FAM222B: variants seen among roughly 807,000 people sequenced by gnomAD.
The protein encoded by FAM222B is family with sequence similarity 222 member B, also known as protein FAM222B.
Under a neutral mutation model 38.0 loss-of-function variants are expected in FAM222B, and 12 were observed. The ratio of observed to expected loss-of-function variants is 0.32; its 90% CI spans 0.20 to 0.51. FAM222B has a LOEUF of 0.51. Ranked by LOEUF, FAM222B falls within the 20% of genes least tolerant of loss-of-function variation. The pLI, the probability that FAM222B is intolerant of heterozygous loss-of-function variation, is 0.97. For missense variants in FAM222B, 716 were observed against 754.2 expected (o/e 0.95, Z 0.59); for synonymous variants, 329 against 317.2 (o/e 1.04, Z -0.40).
At chr17:28,770,078 G>A (rs2151797880) in intron 1 of FAM222B, among the ~76,000 whole-genome samples, 1 of 152,082 alleles carries the variant, frequency 6.6e-6, no homozygotes, top group Middle Eastern at 3.4e-3. Flanking sequence ...GGCCCTTCCT[G>A]TTGTTAACTC....
intron 1 of FAM222B, among the ~76,000 whole-genome samples, chr17:28,817,490 G>A (rs183900268): frequency 1.3e-5 from 2 of 152,064 alleles, no homozygotes; most frequent in Admixed American, 6.5e-5. Flanking sequence ...TTGGGAGGCC[G>A]AGGCTGGACT....
At chr17:28,831,105 C>T (rs2038654624) in intron 1 of FAM222B, among the ~76,000 whole-genome samples, 2 of 151,214 alleles carry the variant, frequency 1.3e-5, no homozygotes, top group South Asian at 4.2e-4. Context: ...AGTGATTCTC[C>T]TGCCTCAGCC....
intron 1 of FAM222B, among the ~76,000 whole-genome samples, chr17:28,785,302 G>GT (rs1401709902): frequency 6.6e-6 from 1 of 152,102 alleles, no homozygotes; most frequent in Non-Finnish European, 1.5e-5. Context: ...CAAAATAATA[G>GT]TAAGCATACT....
intron 1 of FAM222B, among the ~76,000 whole-genome samples, chr17:28,841,032 C>T (rs900111808): frequency 6.6e-6 from 1 of 152,132 alleles, no homozygotes; most frequent in Non-Finnish European, 1.5e-5. Context: ...CGGTGGCTCA[C>T]GCCTGTAATC....
chr17:28,777,286 A>G (rs944068151), intron 1 of FAM222B: 1 of 152,210 alleles, frequency 6.6e-6, no homozygotes, highest in African/African-American at 2.4e-5. Context: ...ACCTGCTTCT[A>G]AACTATACCC....
chr17:28,854,906 G>T (rs2039216447), intron 1 of FAM222B: 3 of 999,490 alleles, frequency 3.0e-6, no homozygotes, highest in Non-Finnish European at 4.3e-6. Flanking sequence ...TCCTCCTCCC[G>T]CCCACATCCC....
Position 28,758,926 on chromosome 17 carries a change from G to T in FAM222B, c.1033C>A (p.Leu345Met), listed in dbSNP as rs898139397. The T allele has an allele frequency of 7.5e-6, 12 of 1,609,698 alleles. No homozygotes were observed. The highest frequency in any genetic ancestry group is 1.3e-5 in the African/African-American group (1 of 74,876). Residue 345 changes from leucine to methionine, a missense_variant, in exon 3 of 3, where the codon CTG (leucine) becomes ATG (methionine). By Grantham distance (15) the Leu-to-Met change is conservative. Transcript: ENST00000581407. ...GGGACGCGAGAGATGCCTGTGGGCA[G>T]GTTGACAGGACCTGCAGCAGGCAAC... is the stretch of plus-strand genomic sequence containing the variant. Reference protein sequence around the residue: ...AALPAAGPVNLPTGISRVPTG... With the variant: ...AALPAAGPVNMPTGISRVPTG...
At chr17:28,797,897 CAA>C (rs34116817) in intron 1 of FAM222B, among the ~76,000 whole-genome samples, 2 of 148,192 alleles carry the variant, frequency 1.3e-5, no homozygotes, top group Non-Finnish European at 3.0e-5. Flanking sequence ...CCCATCTCTA[CAA>C]AAAAAAAATT....
Position 28,758,095 on chromosome 17 carries a change from G to A in FAM222B, c.*175C>T. 1.8e-6 allele frequency: 1 copy of A among 564,390 alleles called. No homozygotes were observed. The highest frequency in any genetic ancestry group is 3.0e-6 in the Non-Finnish European group (1 of 334,210). 35.0% of individuals were successfully genotyped at this position (564,390 alleles called of 1,614,324 possible). Reference sequence around the variant, plus strand: ...AACATAAAACCAAAAGTTGCTGGAGGGGAGGACGAGAGGACCCCTTCTGTC... The same window carrying A: ...AACATAAAACCAAAAGTTGCTGGAGAGGAGGACGAGAGGACCCCTTCTGTC... On this transcript the variant is annotated 3_prime_UTR_variant, in exon 3 of 3. Coordinates refer to ENST00000581407, the MANE Select transcript of FAM222B (RefSeq NM_001077498.3).
intron 1 of FAM222B, among the ~76,000 whole-genome samples, chr17:28,828,492 C>T (rs1406733031): frequency 6.6e-6 from 1 of 151,510 alleles, no homozygotes; most frequent in Non-Finnish European, 1.5e-5. Context: ...ATCGCTTGAG[C>T]CCAAAGGCAT....
At position 28,756,924 on chromosome 17, in the gene FAM222B, T is replaced by C. The variant is rs1377464055; in HGVS notation, c.*1346A>G. 2 of 152,422 alleles carry C rather than the reference T, an allele frequency of 1.3e-5. No homozygotes were observed. Among genetic ancestry groups the C allele is most frequent in the Non-Finnish European group, 2.9e-5 (2 of 68,038 alleles). The allele number at this position is 152,422 out of a possible 1,614,324, so 9.4% of individuals were successfully genotyped here. ...AGAGACAAGAGGAAAGGTAAGGGCT[T>C]ATTTCATCTGTAAAAAATAAAAAAG... On this transcript the variant is annotated 3_prime_UTR_variant, in exon 3 of 3. Coordinates refer to ENST00000581407, the MANE Select transcript of FAM222B (RefSeq NM_001077498.3).
chr17:28,846,030 C>A (rs530124627), upstream of FAM222B, among the ~76,000 whole-genome samples: 15 of 151,066 alleles, frequency 9.9e-5, no homozygotes, highest in Non-Finnish European at 1.8e-4. Flanking sequence ...GGTGAAACCC[C>A]GTCTCTACTA....
At chr17:28,769,174 CTTTTTTTTTTT>C (rs35918064) in intron 1 of FAM222B, among the ~76,000 whole-genome samples, 9 of 82,572 alleles carry the variant, frequency 1.1e-4, no homozygotes, top group South Asian at 5.1e-4. Flanking sequence ...AATGTTAGTT[CTTTTTTTTTTT>C]TTTTTTTTTT....
At chr17:28,764,996 T>C (rs1314807123) in intron 2 of FAM222B, among the ~76,000 whole-genome samples, 1 of 152,156 alleles carries the variant, frequency 6.6e-6, no homozygotes, top group South Asian at 2.1e-4. Context: ...GGATGCTGAT[T>C]TGGATGACCA....
chr17:28,778,717 ATATTTTTTTT>A (rs1368412045), intron 1 of FAM222B, among the ~76,000 whole-genome samples: 6 of 58,400 alleles, frequency 1.0e-4, no homozygotes, highest in Admixed American at 2.4e-4. Context: ...ATATATATAT[ATATTTTTTTT>A]TTTTTTTTTT....
At chr17:28,801,160 G>GA (rs1223540473) in intron 1 of FAM222B, among the ~76,000 whole-genome samples, 40 of 80,342 alleles carry the variant, frequency 5.0e-4, no homozygotes, top group Non-Finnish European at 5.7e-4. Context: ...CCGTCTCAAA[G>GA]AAAAAAAAAA....
At chr17:28,772,843 C>T (rs1360815810) in intron 1 of FAM222B, among the ~76,000 whole-genome samples, 2 of 152,002 alleles carry the variant, frequency 1.3e-5, no homozygotes, top group African/African-American at 2.4e-5. Flanking sequence ...TGCAGTGAGC[C>T]GAGATCGCGC....
intron 1 of FAM222B, among the ~76,000 whole-genome samples, chr17:28,808,746 C>T (rs530996365): frequency 2.6e-5 from 4 of 152,182 alleles, no homozygotes; most frequent in Non-Finnish European, 5.9e-5. Context: ...TAAAAACTAC[C>T]ATCACCCACA....
chr17:28,781,873 T>C (rs2036182072), intron 1 of FAM222B, among the ~76,000 whole-genome samples: 1 of 152,054 alleles, frequency 6.6e-6, no homozygotes. Context: ...GAGGGGTGAC[T>C]GGGGAGAAGG....
Sources: gnomAD v4.1 joint callset for allele counts (sites outside exome capture counted in the v4.1 genomes callset) on GRCh38, gnomAD v4.1.1 for gene constraint, MANE v1.5 for transcripts, NCBI Gene and HGNC (gene_info 2026-07-23, HGNC 2026-07-21) for gene names.